Variants in LAMA2 observed in about 807,000 individuals in gnomAD.
LAMA2 encodes laminin subunit alpha 2.
In LAMA2, 269 loss-of-function variants were observed where a neutral mutation model predicts 364.8. The observed-to-expected ratio is 0.74, with a 90% confidence interval of 0.67 to 0.82. LAMA2 has a LOEUF of 0.82. Ranked by LOEUF, LAMA2 falls within the 40% of genes least tolerant of loss-of-function variation. The pLI, the probability that LAMA2 is intolerant of heterozygous loss-of-function variation, is 0.00. For missense variants in LAMA2, 3,807 were observed against 3,873.2 expected (o/e 0.98, Z 0.45); for synonymous variants, 1,379 against 1,370.6 (o/e 1.01, Z -0.14).
intron 12 of LAMA2, among the ~76,000 whole-genome samples, chr6:129,215,437 A>T (rs1783366012): frequency 6.6e-6 from 1 of 152,166 alleles, no homozygotes; most frequent in Non-Finnish European, 1.5e-5. Context: ...ACAGTTGAAA[A>T]ATAACTGCAG....
At chr6:129,448,505 G>A (rs979337218) in intron 45 of LAMA2, among the ~76,000 whole-genome samples, 2 of 152,034 alleles carry the variant, frequency 1.3e-5, no homozygotes, top group Non-Finnish European at 2.9e-5. Flanking sequence ...TTGTAAATAT[G>A]GATATCTGGA....
chr6:128,927,057 A>G (rs1440914417), intron 1 of LAMA2, among the ~76,000 whole-genome samples: 1 of 152,202 alleles, frequency 6.6e-6, no homozygotes, highest in African/African-American at 2.4e-5. Context: ...GATCTGGTGG[A>G]TTCTAAAGGA....
At chr6:129,353,615 C>G (rs971648547) in intron 32 of LAMA2, among the ~76,000 whole-genome samples, 6 of 152,062 alleles carry the variant, frequency 3.9e-5, no homozygotes, top group Non-Finnish European at 7.3e-5. Context: ...CAATGAAGCT[C>G]CTGGAGGCAT....
At chr6:129,271,257 G>T (rs539102200) in intron 17 of LAMA2, among the ~76,000 whole-genome samples, 35 of 151,748 alleles carry the variant, frequency 2.3e-4, no homozygotes, top group African/African-American at 7.3e-4. Flanking sequence ...AGAAAAATTC[G>T]TTGTTCACCT....
chr6:129,085,577 A>C (rs756086896), intron 3 of LAMA2, among the ~76,000 whole-genome samples: 2 of 152,182 alleles, frequency 1.3e-5, no homozygotes, highest in Non-Finnish European at 2.9e-5. Context: ...AATTAGGCCA[A>C]TGTGAGGAAC....
chr6:129,425,385 C>T (rs929923105), intron 40 of LAMA2, among the ~76,000 whole-genome samples: 4 of 151,886 alleles, frequency 2.6e-5, no homozygotes, highest in African/African-American at 4.8e-5. Flanking sequence ...TTCTCTCTTA[C>T]CAATTCCATT....
chr6:129,088,558 G>A (rs888842475), intron 3 of LAMA2, among the ~76,000 whole-genome samples: 10 of 151,128 alleles, frequency 6.6e-5, no homozygotes, highest in Non-Finnish European at 1.5e-4. Flanking sequence ...CGGGGCGGCT[G>A]GCAGGGTGGG....
intron 56 of LAMA2, among the ~76,000 whole-genome samples, chr6:129,487,907 T>A (rs1292248862): frequency 6.6e-6 from 1 of 152,194 alleles, no homozygotes; most frequent in Non-Finnish European, 1.5e-5. Flanking sequence ...AATGCTCTCA[T>A]TTGAATCTTA....
rs951305398 is a variant in LAMA2 at position 129,476,033 on chromosome 6, T to C, written c.7451+632T>C. Among the ~76,000 whole-genome samples the C allele has an allele frequency of 2.0e-5, 3 of 152,192 alleles. No individual in the cohort carries two copies. In the South Asian group the frequency reaches 6.2e-4, roughly 32 times the overall value. ...GCGTTAATAGTAAAGAAGTGTGAGA[T>C]AGTTCTCCTAGCTTCTCAGGAGCAT... On this transcript the variant is annotated intron_variant, in intron 53 of 64. Coordinates refer to ENST00000421865, the MANE Select transcript of LAMA2 (RefSeq NM_000426.4).
chr6:129,320,448 G>T lies in LAMA2; in HGVS notation c.4059-90G>T, dbSNP rs543214697. 17 of 823,378 alleles carry T rather than the reference G, an allele frequency of 2.1e-5. No individual in the cohort carries two copies. In the African/African-American group the frequency reaches 2.5e-4, roughly 12 times the overall value. 51.0% of individuals were successfully genotyped at this position (823,378 alleles called of 1,614,324 possible). A position where few individuals can be genotyped will look rare whatever the true frequency, so the allele number is the denominator to read the frequency against. ...GAACATACTTGAGGTTGACAAAAAC[G>T]TGAGAAGGATATTGCTGTAGGATTG... On this transcript the variant is annotated intron_variant, in intron 27 of 64. Coordinates refer to ENST00000421865, the MANE Select transcript of LAMA2 (RefSeq NM_000426.4).
chr6:129,357,980 C>A (rs1182187883), intron 32 of LAMA2, among the ~76,000 whole-genome samples: 1 of 151,854 alleles, frequency 6.6e-6, no homozygotes, highest in Non-Finnish European at 1.5e-5. Flanking sequence ...CTTGTTGTAC[C>A]CCCTAAATGT....
At chr6:129,217,671 T>G (rs900384405) in intron 12 of LAMA2, among the ~76,000 whole-genome samples, 1 of 152,236 alleles carries the variant, frequency 6.6e-6, no homozygotes, top group Non-Finnish European at 1.5e-5. Context: ...TATATTTATG[T>G]GGTTAAGATA....
At chr6:129,158,737 A>G (rs986606165) in intron 8 of LAMA2, 3 of 1,614,090 alleles carry the variant, frequency 1.9e-6, no homozygotes, top group African/African-American at 2.7e-5. Context: ...GGTTACATAA[A>G]TTGGTCCGAC....
At chr6:129,098,498 A>C (rs1775321269) in intron 4 of LAMA2, 83 bp downstream of exon 4, 2 of 1,453,056 alleles carry the variant, frequency 1.4e-6, no homozygotes, top group South Asian at 2.3e-5. Context: ...ATCAGTAATT[A>C]ATGTCAGGGA....
intron 40 of LAMA2, among the ~76,000 whole-genome samples, chr6:129,418,398 T>A (rs1347697820): frequency 1.3e-5 from 2 of 151,892 alleles, no homozygotes; most frequent in Non-Finnish European, 2.9e-5. Flanking sequence ...GTCCCTCCCA[T>A]CTCCAAATTC....
chr6:129,173,061 C>T (rs1419961561), intron 9 of LAMA2, among the ~76,000 whole-genome samples: 4 of 152,194 alleles, frequency 2.6e-5, no homozygotes, highest in Admixed American at 6.5e-5. Flanking sequence ...CACTGACCTG[C>T]GCCCACTGTC....
At chr6:128,899,301 T>C (rs1283540575) in intron 1 of LAMA2, among the ~76,000 whole-genome samples, 1 of 152,182 alleles carries the variant, frequency 6.6e-6, no homozygotes, top group Admixed American at 6.5e-5. Context: ...TGATTTTCAG[T>C]TATATAATTA....
intron 8 of LAMA2, among the ~76,000 whole-genome samples, chr6:129,163,836 T>C (rs904459771): frequency 1.3e-5 from 2 of 152,170 alleles, no homozygotes; most frequent in African/African-American, 4.8e-5. Context: ...TAAATTGAGG[T>C]ATTTTACTTT....
At chr6:129,412,402 C>T (rs1328950222) in intron 40 of LAMA2, among the ~76,000 whole-genome samples, 3 of 152,256 alleles carry the variant, frequency 2.0e-5, no homozygotes, top group Admixed American at 2.0e-4. Context: ...AACATCTAGA[C>T]TGCTGTTTTA....
Sources: gnomAD v4.1 joint callset for allele counts (sites outside exome capture counted in the v4.1 genomes callset) on GRCh38, gnomAD v4.1.1 for gene constraint, MANE v1.5 for transcripts, NCBI Gene and HGNC (gene_info 2026-07-23, HGNC 2026-07-21) for gene names.